The following PRTG variants were observed in gnomAD, a reference collection of about 807,000 sequenced individuals.
The protein encoded by PRTG is protogenin, also known as immunoglobulin superfamily, DCC subclass, member 5.
PRTG carries 67 observed loss-of-function variants against 122.5 expected under a neutral mutation model. That is an observed-to-expected ratio of 0.55 (90% CI 0.45 to 0.67). PRTG has a LOEUF of 0.67. Ranked by LOEUF, PRTG falls within the 30% of genes least tolerant of loss-of-function variation. The pLI is 0.00. For missense variants in PRTG, 1,435 were observed against 1,415.4 expected (o/e 1.01, Z -0.22); for synonymous variants, 554 against 501.1 (o/e 1.11, Z -1.41).
chr15:55,682,484 G>C lies in PRTG; in HGVS notation c.556C>G (p.Pro186Ala). 6.5e-7 allele frequency: 1 copy of C among 1,545,908 alleles called. No homozygotes were observed. Among genetic ancestry groups the C allele is most frequent in the Non-Finnish European group, 8.8e-7 (1 of 1,141,316 alleles). The change falls in exon 4 of 20, where the codon CCA becomes GCA. Residue 186 changes from proline (P) to alanine (A), a missense_variant. Coordinates refer to ENST00000389286, the MANE Select transcript of PRTG (RefSeq NM_173814.6). Reference protein sequence around the residue: ...PMTMDRITALPTGVLQIYDVS... With the variant: ...PMTMDRITALATGVLQIYDVS... The stretch of plus-strand genomic sequence containing the variant: ...TCATAGATCTGCAATACTCCTGTTG[G>C]TAGGGCAGTTATCCTGTTATGAGAG...
chr15:55,629,683 T>A (rs2059216516), intron 15 of PRTG, among the ~76,000 whole-genome samples: 1 of 152,130 alleles, frequency 6.6e-6, no homozygotes, highest in South Asian at 2.1e-4. Flanking sequence ...ATTGGATTTT[T>A]AAAAATCCAA....
At chr15:55,695,483 C>T (rs2059626887) in intron 2 of PRTG, among the ~76,000 whole-genome samples, 2 of 152,134 alleles carry the variant, frequency 1.3e-5, no homozygotes, top group African/African-American at 2.4e-5. Flanking sequence ...GGGTTTTAAA[C>T]GGTGGTCCTA....
chr15:55,646,966 T>A (rs976679304), intron 11 of PRTG, among the ~76,000 whole-genome samples: 2 of 152,062 alleles, frequency 1.3e-5, no homozygotes, highest in African/African-American at 4.8e-5. Flanking sequence ...TTCATTCTCA[T>A]CACCAGCTCT....
intron 2 of PRTG, among the ~76,000 whole-genome samples, chr15:55,728,447 T>G (rs1207950879): frequency 1.3e-5 from 2 of 152,126 alleles, no homozygotes; most frequent in African/African-American, 2.4e-5. Context: ...CCCAGGAATG[T>G]AAAAGTTGTT....
chr15:55,638,648 G>T lies in PRTG; in HGVS notation c.2353C>A (p.Leu785Ile), dbSNP rs1048189112. ...AATTCGTATTTGGTGTTTGGTTCTA[G>T]ACCTTGAACCAACATGTGAGTTTCT... ...TSETHMLVQG[L>I]EPNTKYEFAV... is the part of the protein sequence containing the mutation. Residue 785 changes from leucine to isoleucine, a missense_variant, in exon 14 of 20, where the codon CTA becomes ATA. Physicochemically the swap from Leu to Ile is conservative, Grantham distance 5 (BLOSUM62 2). Transcript: ENST00000389286. The T allele has an allele frequency of 6.2e-7, 1 of 1,613,462 alleles. No homozygotes were observed. The highest frequency in any genetic ancestry group is 1.1e-5 in the South Asian group (1 of 90,976).
At chr15:55,655,416 A>C (rs139894241) in intron 11 of PRTG, 415 of 152,348 alleles carry the variant, frequency 2.7e-3, no homozygotes, top group African/African-American at 9.6e-3. Flanking sequence ...TTTTCTGATA[A>C]ATAAAACATT....
At chr15:55,739,111 A>G (rs2031530896) in intron 2 of PRTG, among the ~76,000 whole-genome samples, 1 of 152,178 alleles carries the variant, frequency 6.6e-6, no homozygotes, top group Non-Finnish European at 1.5e-5. Context: ...TCTACAATTA[A>G]TCCTTATTGC....
intron 18 of PRTG, among the ~76,000 whole-genome samples, chr15:55,622,277 G>A (rs1446915066): frequency 7.0e-6 from 1 of 143,752 alleles, no homozygotes; most frequent in African/African-American, 2.6e-5. Flanking sequence ...GGAGAATATG[G>A]CGCGATCTCG....
chr15:55,634,331 C>G (rs1201591720), intron 15 of PRTG, among the ~76,000 whole-genome samples: 6 of 151,896 alleles, frequency 4.0e-5, no homozygotes, highest in African/African-American at 1.5e-4. Flanking sequence ...AGCCTCCAAA[C>G]TGCTGGGATT....
intron 2 of PRTG, among the ~76,000 whole-genome samples, chr15:55,715,822 C>T (rs914576354): frequency 2.0e-5 from 3 of 152,178 alleles, no homozygotes; most frequent in African/African-American, 7.2e-5. Flanking sequence ...TCTCAGCAAA[C>T]ATGAACTCCA....
chr15:55,692,594 A>G (rs1316304457), intron 2 of PRTG, among the ~76,000 whole-genome samples: 2 of 152,156 alleles, frequency 1.3e-5, no homozygotes, highest in Non-Finnish European at 2.9e-5. Flanking sequence ...GCAAACTGGG[A>G]AACTGTAAAA....
intron 2 of PRTG, among the ~76,000 whole-genome samples, chr15:55,709,397 A>C (rs1476119192): frequency 1.3e-5 from 2 of 148,294 alleles, no homozygotes; most frequent in African/African-American, 4.9e-5. Flanking sequence ...ATAGAGAGAG[A>C]GAGCGCGTGA....
At chr15:55,688,230 C>T (rs1213390004) in intron 2 of PRTG, among the ~76,000 whole-genome samples, 1 of 152,156 alleles carries the variant, frequency 6.6e-6, no homozygotes, top group African/African-American at 2.4e-5. Flanking sequence ...TGCCTTCTTC[C>T]CTATTATTTT....
chr15:55,742,604 G>T, intron 1 of PRTG: 1 of 500,198 alleles, frequency 2.0e-6, no homozygotes, highest in Non-Finnish European at 3.5e-6. Context: ...AGGGGCGTGC[G>T]CCCGGAGAAG....
In PRTG at chr15:55,637,176, G is replaced by T; in HGVS notation, c.2617C>A (p.Arg873Ser). The change falls in exon 15 of 20, where the codon CGT becomes AGT. Residue 873 changes from arginine to serine, a missense_variant. Physicochemically the swap from Arg to Ser is moderately radical, Grantham distance 110. Coordinates refer to ENST00000389286, the MANE Select transcript of PRTG (RefSeq NM_173814.6). ...GGCAATTTATGATATTTACCTTCAC[G>T]GTGTAAGACCTGCCACTCTCCTGCA... ...WIAGEWQVLH[R>S]EGAITMALLE... 6.5e-7 allele frequency: 1 copy of T among 1,542,708 alleles called. No individual in the cohort carries two copies. Among genetic ancestry groups the T allele is most frequent in the Non-Finnish European group, 8.7e-7 (1 of 1,143,118 alleles).
At chr15:55,703,721 G>C (rs1303584010) in intron 2 of PRTG, among the ~76,000 whole-genome samples, 1 of 152,088 alleles carries the variant, frequency 6.6e-6, no homozygotes, top group African/African-American at 2.4e-5. Context: ...TATTCACTTT[G>C]CCTATTACAT....
chr15:55,725,744 T>C (rs2031007288), intron 2 of PRTG, among the ~76,000 whole-genome samples: 1 of 152,284 alleles, frequency 6.6e-6, no homozygotes, highest in African/African-American at 2.4e-5. Context: ...AAACTCATGA[T>C]TGAACTGTAA....
chr15:55,679,428 C>G lies in PRTG; in HGVS notation c.991G>C (p.Glu331Gln). ...GGCCTTGTTAAACTTTCTGGCCATT[C>G]AACAAATGAAGGAGGAGCTATTTTT... ...LTVLAPPSFV[E>Q]WPESLTRPRA... is the part of the protein sequence containing the mutation. Residue 331 changes from glutamate to glutamine, a missense_variant, in exon 7 of 20, where the codon GAA becomes CAA. By Grantham distance (29) the Glu-to-Gln change is conservative. Coordinates refer to ENST00000389286, the MANE Select transcript of PRTG (RefSeq NM_173814.6). 1 of 1,608,092 alleles carries G rather than the reference C, an allele frequency of 6.2e-7. No homozygotes were observed. The highest frequency in any genetic ancestry group is 8.5e-7 in the Non-Finnish European group (1 of 1,176,946).
chr15:55,637,552 G>A (rs2059264944), intron 14 of PRTG, among the ~76,000 whole-genome samples: 1 of 152,092 alleles, frequency 6.6e-6, no homozygotes, highest in South Asian at 2.1e-4. Context: ...TAGATTCCTA[G>A]ATGGAGAATC....
Sources: allele counts gnomAD v4.1 joint callset (sites outside exome capture counted in the v4.1 genomes callset), GRCh38; gene constraint gnomAD v4.1.1; transcripts MANE v1.5; gene names NCBI Gene and HGNC (gene_info 2026-07-23, HGNC 2026-07-21).